The following CCDC92B variants were observed in gnomAD, a reference collection of about 807,000 sequenced individuals.
CCDC92B encodes coiled-coil domain-containing 92B.
In CCDC92B, 2 loss-of-function variants were observed where a neutral mutation model predicts 5.6. The ratio of observed to expected loss-of-function variants is 0.36; its 90% confidence interval spans 0.15 to 1.12. The LOEUF (loss-of-function observed/expected upper bound fraction) is 1.12. Ranked by LOEUF, CCDC92B falls within the 50% of genes most tolerant of loss-of-function variation. The pLI, the probability that CCDC92B is intolerant of heterozygous loss-of-function variation, is 0.40. For synonymous variants in CCDC92B, 115 were observed against 122.3 expected, an observed-to-expected ratio of 0.94 and a Z score of 0.39; for missense variants, 271 against 262.2, an observed-to-expected ratio of 1.03 and a Z score of -0.23.
At chr17:2,733,062 C>A (rs554680323) in intron 2 of CCDC92B, among the ~76,000 whole-genome samples, 35 of 145,712 alleles carry the variant, frequency 2.4e-4, no homozygotes, top group African/African-American at 6.8e-4. Context: ...AAATAAATAA[C>A]TAGTAAAAAA....
At chr17:2,728,401 A>G (rs949528916) in intron 3 of CCDC92B, among the ~76,000 whole-genome samples, 1 of 151,852 alleles carries the variant, frequency 6.6e-6, no homozygotes, top group African/African-American at 2.4e-5. Context: ...AGGTCAGGAG[A>G]TCTAGACCAT....
chr17:2,722,661 C>T lies in CCDC92B; in HGVS notation c.*1750G>A, dbSNP rs1332310596. ...GCTGTGATGGGAGAAGAGCTCGTCA[C>T]CCCTAGAGCTTGACTCTGCTCACCT... On this transcript the variant is annotated 3_prime_UTR_variant, in exon 4 of 4. Transcript: ENST00000614400. 3 of 152,266 alleles carry T rather than the reference C, an allele frequency of 2.0e-5. No homozygotes were observed. Among genetic ancestry groups the T allele is most frequent in the African/African-American group, 7.2e-5 (3 of 41,444 alleles). The allele number at this position is 152,266 out of a possible 1,614,324, so 9.4% of individuals were successfully genotyped here.
At position 2,726,969 on chromosome 17, in the gene CCDC92B, G is replaced by C. The variant is rs892258121; in HGVS notation, c.179-1969C>G. On this transcript the variant is annotated intron_variant, in intron 3 of 3. Transcript: ENST00000614400. ...CCCTCTTGCCAGGCTGGAGTGCAGC[G>C]GCATAGCTCACTGCAGCCTCTATCA... 5.9e-4 allele frequency among the ~76,000 whole-genome samples: 88 copies of C among 150,388 alleles called. 1 individual carries two copies. The highest frequency in any genetic ancestry group is 1.9e-3 in the African/African-American group (79 of 40,828).
In CCDC92B at chr17:2,723,485, C is replaced by G. The variant is rs2070682099; in HGVS notation, c.*926G>C. 1 of 151,308 alleles carries G rather than the reference C, an allele frequency of 6.6e-6. No homozygotes were observed. Among genetic ancestry groups the G allele is most frequent in the African/African-American group, 2.5e-5 (1 of 40,758 alleles). 9.4% of individuals were successfully genotyped at this position (151,308 alleles called of 1,614,324 possible). On this transcript the variant is annotated 3_prime_UTR_variant, in exon 4 of 4. Coordinates refer to ENST00000614400, the MANE Select transcript of CCDC92B (RefSeq NM_001355573.2). ...GGATTACAGGAGTGAGCCACCGCGC[C>G]CAGCCAAGGCTCTCTTCTTCTTGTC...
chr17:2,743,933 AATG>A (rs2070954019), intron 1 of CCDC92B, among the ~76,000 whole-genome samples: 1 of 151,930 alleles, frequency 6.6e-6, no homozygotes, highest in Admixed American at 6.6e-5. Context: ...GTTGGAGTGC[AATG>A]GCGCGATCTC....
chr17:2,731,178 T>C (rs559042303), intron 2 of CCDC92B, among the ~76,000 whole-genome samples: 35 of 152,218 alleles, frequency 2.3e-4, no homozygotes, highest in African/African-American at 8.2e-4. Flanking sequence ...GCGGGCAGCC[T>C]AGGAGCCACT....
At chr17:2,739,599 G>A (rs999460211) in intron 1 of CCDC92B, among the ~76,000 whole-genome samples, 6 of 150,490 alleles carry the variant, frequency 4.0e-5, no homozygotes, top group African/African-American at 1.5e-4. Context: ...GGAGAACGGC[G>A]TGAACCCGGG....
At chr17:2,731,113 G>A (rs1307003404) in intron 2 of CCDC92B, among the ~76,000 whole-genome samples, 1 of 152,184 alleles carries the variant, frequency 6.6e-6, no homozygotes. Flanking sequence ...GAAGGGCTTC[G>A]AGCAGGACGG....
chr17:2,730,623 TCTTTAGAAGCCACC>T (rs2151739165), intron 2 of CCDC92B, 130 bp from the exon 3 acceptor site: 1 of 330,210 alleles, frequency 3.0e-6, no homozygotes, highest in African/African-American at 2.3e-5. Flanking sequence ...GCAATAAGGA[TCTTTAGAAGCCACC>T]TCCACACTAT....
At chr17:2,727,012 C>A (rs1432658137) in intron 3 of CCDC92B, among the ~76,000 whole-genome samples, 1 of 149,984 alleles carries the variant, frequency 6.7e-6, no homozygotes, top group Admixed American at 6.7e-5. Flanking sequence ...TTGAGTAATT[C>A]TCCCACCTCA....
chr17:2,744,410 C>G (rs537448718), intron 1 of CCDC92B, among the ~76,000 whole-genome samples: 1 of 152,100 alleles, frequency 6.6e-6, no homozygotes, highest in African/African-American at 2.4e-5. Flanking sequence ...AGGCTGACCT[C>G]GAACTCCTGG....
In CCDC92B at chr17:2,724,857, C is replaced by T; in HGVS notation, c.322G>A (p.Glu108Lys). Residue 108 changes from glutamate to lysine, a missense_variant, in exon 4 of 4, where the codon GAG becomes AAG. By Grantham distance (56) the Glu-to-Lys change is moderately conservative. Coordinates refer to ENST00000614400, the MANE Select transcript of CCDC92B (RefSeq NM_001355573.2). This position sits in a 1 kb window ranked among gnomAD's most constrained non-coding sequence, Gnocchi z 5.0. Reference sequence around the variant, plus strand: ...AGCTCCTCCAGGAAGCGGCGCTCCTCGGTGCGCAGGCTGCAGCGCAGCGCG... The same window carrying T: ...AGCTCCTCCAGGAAGCGGCGCTCCTTGGTGCGCAGGCTGCAGCGCAGCGCG... ...VSALRCSLRT[E>K]ERRFLEELRR... is the part of the protein sequence containing the mutation. 1.0e-6 allele frequency: 1 copy of T among 985,138 alleles called. No individual in the cohort carries two copies. Among genetic ancestry groups the T allele is most frequent in the Non-Finnish European group, 1.2e-6 (1 of 829,824 alleles). The allele number at this position is 985,138 out of a possible 1,614,324, so 61.0% of individuals were successfully genotyped here.
intron 1 of CCDC92B, among the ~76,000 whole-genome samples, chr17:2,747,492 C>T (rs1331242566): frequency 1.3e-5 from 2 of 152,068 alleles, no homozygotes; most frequent in African/African-American, 2.4e-5. Flanking sequence ...TTTGGGAGGC[C>T]GACTGGGGCA....
chr17:2,731,614 C>T (rs2151739680), intron 2 of CCDC92B, among the ~76,000 whole-genome samples: 1 of 152,338 alleles, frequency 6.6e-6, no homozygotes, highest in Middle Eastern at 3.4e-3. Context: ...AGACCCAGGG[C>T]TTTGCCAGAG....
At chr17:2,739,606 C>T (rs1366149470) in intron 1 of CCDC92B, among the ~76,000 whole-genome samples, 7 of 150,464 alleles carry the variant, frequency 4.7e-5, no homozygotes, top group Admixed American at 2.7e-4. Flanking sequence ...GGCGTGAACC[C>T]GGGAGGTGGA....
Position 2,735,132 on chromosome 17 carries a change from G to A in CCDC92B, c.14C>T (p.Ser5Phe). Reference protein sequence around the residue: MDTVSLEHQIQSVQR... With the variant: MDTVFLEHQIQSVQR... ...CACGCTCTGGATCTGATGCTCCAGG[G>A]ACACGGTATCCATGGCAACCCAGGC... Residue 5 changes from serine (S) to phenylalanine (F), a missense_variant, in exon 2 of 4, where the codon TCC (serine) becomes TTC (phenylalanine). Physicochemically the swap from Ser to Phe is radical, Grantham distance 155 (BLOSUM62 -2). Coordinates refer to ENST00000614400, the MANE Select transcript of CCDC92B (RefSeq NM_001355573.2). 2 of 985,610 alleles carry A rather than the reference G, an allele frequency of 2.0e-6. No individual in the cohort carries two copies. Among genetic ancestry groups the A allele is most frequent in the South Asian group, 9.4e-5 (2 of 21,290 alleles). 61.1% of individuals were successfully genotyped at this position (985,610 alleles called of 1,614,324 possible). A position where few individuals can be genotyped will look rare whatever the true frequency, so the allele number is the denominator to read the frequency against.
intron 1 of CCDC92B, among the ~76,000 whole-genome samples, chr17:2,737,465 C>CTTTTT (rs34254249): frequency 1.2e-4 from 7 of 60,314 alleles, no homozygotes; most frequent in African/African-American, 1.5e-4. Context: ...ATAGGCCTTT[C>CTTTTT]TTTTTTTTTT....
rs115784636 is a variant in CCDC92B, at chr17:2,737,095, C to T, written c.-23-1927G>A. On this transcript the variant is annotated intron_variant, in intron 1 of 3. Coordinates refer to ENST00000614400, the MANE Select transcript of CCDC92B (RefSeq NM_001355573.2). The stretch of plus-strand genomic sequence containing the variant: ...TGCTGCTTCTGGCTCCGCCCCCTTC[C>T]CCATGACTCTGTTCTGTGATAATCA... Among the ~76,000 whole-genome samples, 793 of 152,056 alleles carry T rather than the reference C, an allele frequency of 5.2e-3. 4 individuals carry two copies. Among genetic ancestry groups the T allele is most frequent in the African/African-American group, 0.018 (742 of 41,488 alleles).
Position 2,740,525 on chromosome 17 carries a change from TG to T in CCDC92B, c.-23-5358del, listed in dbSNP as rs571951810. Reference sequence around the variant, plus strand: ...TAAAAATACAAAAATTAGCTGGGCATGGTGACAGGCGCCTGTAATCCCAGCT... The same window carrying T: ...TAAAAATACAAAAATTAGCTGGGCATGTGACAGGCGCCTGTAATCCCAGCT... On this transcript the variant is annotated intron_variant, in intron 1 of 3. Transcript: ENST00000614400. 5.9e-5 allele frequency among the ~76,000 whole-genome samples: 9 copies of T among 151,770 alleles called. No homozygotes were observed. In the South Asian group the frequency reaches 1.9e-3, roughly 32 times the overall value.
Sources: gnomAD v4.1 joint callset for allele counts (sites outside exome capture counted in the v4.1 genomes callset) on GRCh38, gnomAD v4.1.1 for gene constraint, Gnocchi (gnomAD v3.1) non-coding constraint, MANE v1.5 for transcripts, NCBI Gene and HGNC (gene_info 2026-07-23, HGNC 2026-07-21) for gene names.